The following SCAPER variants were observed in gnomAD, a reference collection of about 807,000 sequenced individuals.
SCAPER encodes the protein S-phase cyclin A associated protein in the ER.
In SCAPER, 98 loss-of-function variants were observed where a neutral mutation model predicts 182.2. The observed-to-expected ratio is 0.54, with a 90% CI of 0.46 to 0.64. The LOEUF (loss-of-function observed/expected upper bound fraction) is 0.64. SCAPER is among the 30% of genes least tolerant of loss of function. The pLI, the probability that SCAPER is intolerant of heterozygous loss-of-function variation, is 0.00. For missense variants in SCAPER, 1,432 were observed against 1,690.0 expected (o/e 0.85, Z 2.68); for synonymous variants, 605 against 564.6 (o/e 1.07, Z -1.01).
At chr15:76,767,672 C>T (rs1478949658) in intron 10 of SCAPER, among the ~76,000 whole-genome samples, 1 of 151,714 alleles carries the variant, frequency 6.6e-6, no homozygotes, top group African/African-American at 2.4e-5. Context: ...AATAAGCCAT[C>T]AAAGGTGATA....
Position 76,905,320 on chromosome 15 carries a change from C to CG in SCAPER, c.-82dup. The CG allele has an allele frequency of 3.9e-6, 1 of 257,512 alleles. No homozygotes were observed. Among genetic ancestry groups the CG allele is most frequent in the Non-Finnish European group, 8.1e-6 (1 of 123,674 alleles). 16.0% of individuals were successfully genotyped at this position (257,512 alleles called of 1,614,324 possible). ...TCACCCCCGACCGCCCTGCTTAGTT[C>CG]GGGGCGGCTCAAAGCGTCCCGCCGG... is the stretch of plus-strand genomic sequence containing the variant. On this transcript the variant is annotated 5_prime_UTR_variant, in exon 1 of 32. Transcript: ENST00000563290.
chr15:76,800,195 C>G, intron 7 of SCAPER, 53 bp downstream of exon 7: 1 of 982,728 alleles, frequency 1.0e-6, no homozygotes, highest in East Asian at 2.6e-5. Context: ...ACTATAATAA[C>G]TAAGAAAATA....
At chr15:76,618,444 C>T (rs2051699324) in intron 22 of SCAPER, among the ~76,000 whole-genome samples, 1 of 151,906 alleles carries the variant, frequency 6.6e-6, no homozygotes, top group African/African-American at 2.4e-5. Context: ...GATTTTAGAT[C>T]TATGAAAAAA....
intron 23 of SCAPER, among the ~76,000 whole-genome samples, chr15:76,550,617 C>A (rs537107940): frequency 6.6e-6 from 1 of 151,924 alleles, no homozygotes; most frequent in Non-Finnish European, 1.5e-5. Context: ...GGGTTGATTC[C>A]GTATCTTTTT....
intron 24 of SCAPER, among the ~76,000 whole-genome samples, chr15:76,485,274 C>T (rs1030980257): frequency 1.3e-5 from 2 of 152,112 alleles, no homozygotes; most frequent in African/African-American, 4.8e-5. Flanking sequence ...GGAACATACT[C>T]CCATTCACAA....
chr15:76,856,359 T>A (rs1013093843), intron 4 of SCAPER, among the ~76,000 whole-genome samples: 1 of 152,094 alleles, frequency 6.6e-6, no homozygotes, highest in South Asian at 2.1e-4. Flanking sequence ...CAAACCCCCA[T>A]GAAACGAGTT....
At chr15:76,744,721 T>C (rs2061706685) in intron 15 of SCAPER, among the ~76,000 whole-genome samples, 1 of 152,200 alleles carries the variant, frequency 6.6e-6, no homozygotes, top group African/African-American at 2.4e-5. Flanking sequence ...GAACGCAGTG[T>C]GGCAATTTCT....
chr15:76,806,577 G>A (rs908925190), intron 5 of SCAPER, among the ~76,000 whole-genome samples: 1 of 152,146 alleles, frequency 6.6e-6, no homozygotes, highest in Non-Finnish European at 1.5e-5. Flanking sequence ...GCCAAAAAGG[G>A]GGAAGGGAGC....
At chr15:76,792,590 G>T (rs1409933537) in intron 8 of SCAPER, among the ~76,000 whole-genome samples, 1 of 152,184 alleles carries the variant, frequency 6.6e-6, no homozygotes, top group Admixed American at 6.5e-5. Context: ...TAGAAGCCTT[G>T]CAGCTTTCAT....
chr15:76,822,853 G>A (rs2067687056), intron 5 of SCAPER, among the ~76,000 whole-genome samples: 1 of 152,194 alleles, frequency 6.6e-6, no homozygotes, highest in South Asian at 2.1e-4. Context: ...GATATCAAAT[G>A]TGACTGTGTG....
chr15:76,633,719 C>T (rs1440624665), intron 21 of SCAPER, among the ~76,000 whole-genome samples: 1 of 152,210 alleles, frequency 6.6e-6, no homozygotes, highest in Non-Finnish European at 1.5e-5. Flanking sequence ...ATCCCAGCCA[C>T]TGTGCTGCAC....
intron 23 of SCAPER, among the ~76,000 whole-genome samples, chr15:76,566,737 A>C (rs991736264): frequency 6.6e-6 from 1 of 152,114 alleles, no homozygotes; most frequent in African/African-American, 2.4e-5. Flanking sequence ...TTTCTTCAAT[A>C]AAAAAATTTC....
intron 22 of SCAPER, among the ~76,000 whole-genome samples, chr15:76,584,876 T>C (rs1030340887): frequency 2.0e-5 from 3 of 152,144 alleles, no homozygotes; most frequent in African/African-American, 7.2e-5. Flanking sequence ...GAAAGTTCTA[T>C]TCACAAAAGA....
chr15:76,398,553 T>C (rs539935345), intron 27 of SCAPER, among the ~76,000 whole-genome samples: 29 of 152,212 alleles, frequency 1.9e-4, no homozygotes, highest in African/African-American at 5.5e-4. Flanking sequence ...GAACAAATGG[T>C]TTTCAAGCAC....
At chr15:76,420,954 C>G (rs1002087966) in intron 26 of SCAPER, among the ~76,000 whole-genome samples, 3 of 152,184 alleles carry the variant, frequency 2.0e-5, no homozygotes, top group Non-Finnish European at 4.4e-5. Flanking sequence ...ATGAACTCAT[C>G]CTTTTTTATG....
At chr15:76,770,850 A>G (rs1165142503) in intron 10 of SCAPER, among the ~76,000 whole-genome samples, 2 of 152,128 alleles carry the variant, frequency 1.3e-5, no homozygotes, top group Non-Finnish European at 2.9e-5. Flanking sequence ...AAAAGACACA[A>G]GATGAAAATC....
intron 2 of SCAPER, among the ~76,000 whole-genome samples, chr15:76,869,958 TG>T (rs2072577001): frequency 6.6e-6 from 1 of 152,136 alleles, no homozygotes; most frequent in African/African-American, 2.4e-5. Context: ...TAGATGGAAC[TG>T]GAGGTCATTA....
At chr15:76,715,786 GC>G (rs1174182131) in intron 17 of SCAPER, among the ~76,000 whole-genome samples, 1 of 151,974 alleles carries the variant, frequency 6.6e-6, no homozygotes, top group Non-Finnish European at 1.5e-5. Context: ...GCCTCACCCT[GC>G]CCCCCAAGGT....
intron 25 of SCAPER, among the ~76,000 whole-genome samples, chr15:76,456,298 C>T (rs991414426): frequency 1.3e-5 from 2 of 152,144 alleles, no homozygotes; most frequent in Non-Finnish European, 2.9e-5. Flanking sequence ...AGTGTAAAAG[C>T]GTTCCTATTT....
Sources: allele counts gnomAD v4.1 joint callset (sites outside exome capture counted in the v4.1 genomes callset), GRCh38; gene constraint gnomAD v4.1.1; transcripts MANE v1.5; gene names NCBI Gene and HGNC (gene_info 2026-07-23, HGNC 2026-07-21).